LRRCC1: variants seen among roughly 807,000 people sequenced by gnomAD.
LRRCC1 encodes the protein leucine rich repeat and coiled-coil centrosomal protein 1.
LRRCC1 carries 115 observed loss-of-function variants against 126.0 expected under a neutral mutation model. The observed-to-expected ratio is 0.91, with a 90% CI of 0.78 to 1.07. The LOEUF (loss-of-function observed/expected upper bound fraction) is 1.07, where lower values mean the gene tolerates loss of function less well. Ranked by LOEUF, LRRCC1 falls within the 50% of genes least tolerant of loss-of-function variation. The pLI, the probability that LRRCC1 is intolerant of heterozygous loss-of-function variation, is 0.00. For missense variants in LRRCC1, 1,172 were observed against 1,175.7 expected (o/e 1.00, Z 0.05); for synonymous variants, 400 against 393.4 (o/e 1.02, Z -0.20).
At chr8:85,134,030 T>G (rs1456911647) in intron 12 of LRRCC1, among the ~76,000 whole-genome samples, 1 of 152,172 alleles carries the variant, frequency 6.6e-6, no homozygotes. Context: ...ATTCCTCCAA[T>G]GTATCAGGCA....
chr8:85,139,799 A>G (rs1213647549), intron 17 of LRRCC1, among the ~76,000 whole-genome samples: 2 of 152,234 alleles, frequency 1.3e-5, no homozygotes, highest in African/African-American at 4.8e-5. Context: ...GGATAGCCCA[A>G]AAATCTCACT....
intron 14 of LRRCC1, among the ~76,000 whole-genome samples, chr8:85,136,523 C>G (rs1158241202): frequency 1.3e-5 from 2 of 152,120 alleles, no homozygotes. Context: ...GATCCGCCCA[C>G]CTTGGCCTCC....
intron 18 of LRRCC1, 70 bp downstream of exon 18, chr8:85,141,587 G>C: frequency 8.4e-7 from 1 of 1,190,656 alleles, no homozygotes. Flanking sequence ...TTAGATCTTC[G>C]AGAATTATAA....
intron 17 of LRRCC1, among the ~76,000 whole-genome samples, chr8:85,138,815 T>G (rs1408787217): frequency 6.6e-6 from 1 of 152,018 alleles, no homozygotes; most frequent in Non-Finnish European, 1.5e-5. Flanking sequence ...GAGGCCGAGG[T>G]GGGTGGATCA....
intron 7 of LRRCC1, among the ~76,000 whole-genome samples, chr8:85,124,350 G>A (rs1267383067): frequency 1.3e-5 from 2 of 152,028 alleles, no homozygotes; most frequent in Admixed American, 6.5e-5. Context: ...TTCAAACACT[G>A]TACTTTTTTC....
chr8:85,119,717 C>T (rs564069697), intron 6 of LRRCC1, among the ~76,000 whole-genome samples: 5 of 152,122 alleles, frequency 3.3e-5, no homozygotes, highest in East Asian at 1.9e-4. Context: ...AGGCTGGTCT[C>T]GAACTCTTGG....
At position 85,109,713 on chromosome 8, in the gene LRRCC1, A is replaced by G; in HGVS notation, c.223A>G (p.Asn75Asp). The change falls in exon 2 of 19, where the codon AAT (asparagine) becomes GAT (aspartate). Residue 75 changes from asparagine to aspartate, a missense_variant. By Grantham distance (23) the Asn-to-Asp change is conservative (BLOSUM62 1). Transcript: ENST00000360375. Reference sequence around the variant, plus strand: ...TTTACAACATCTAGATCTGTCATCTAATCAAATAAGTAGAATTGAAGGACT... The same window carrying G: ...TTTACAACATCTAGATCTGTCATCTGATCAAATAAGTAGAATTGAAGGACT... The part of the protein sequence containing the change: ...WNLQHLDLSS[N>D]QISRIEGLNT... The G allele has an allele frequency of 1.2e-6, 2 of 1,602,978 alleles. No individual in the cohort carries two copies. The highest frequency in any genetic ancestry group is 2.2e-5 in the East Asian group (1 of 44,702).
chr8:85,125,853 T>G (rs1809953747), intron 8 of LRRCC1, among the ~76,000 whole-genome samples: 1 of 152,112 alleles, frequency 6.6e-6, no homozygotes, highest in Non-Finnish European at 1.5e-5. Context: ...TTTAGGCTAC[T>G]GGTTTCCTCC....
At chr8:85,117,679 T>G (rs1313989354) in intron 6 of LRRCC1, among the ~76,000 whole-genome samples, 1 of 152,164 alleles carries the variant, frequency 6.6e-6, no homozygotes, top group African/African-American at 2.4e-5. Context: ...CATTCTATTA[T>G]GAGCATTTTT....
In LRRCC1 at chr8:85,107,309, C is replaced by T. The variant is rs200933031; in HGVS notation, c.14C>T (p.Ala5Val). 3 of 1,611,598 alleles carry T rather than the reference C, an allele frequency of 1.9e-6. No homozygotes were observed. Among genetic ancestry groups the T allele is most frequent in the African/African-American group, 1.3e-5 (1 of 74,906 alleles). ...GTCGCCAGTGCTATGGAGGCGGCGGCGGCGGTGGTGGCGGCAGAGGCGGAA... is the reference window on the plus strand; with the variant it reads ...GTCGCCAGTGCTATGGAGGCGGCGGTGGCGGTGGTGGCGGCAGAGGCGGAA... The part of the protein sequence containing the change: MEAA[A>V]AVVAAEAEVE... The change falls in exon 1 of 19, where the codon GCG becomes GTG. Residue 5 changes from alanine (A) to valine (V), a missense_variant. Physicochemically the swap from Ala to Val is moderately conservative, Grantham distance 64. Transcript: ENST00000360375.
chr8:85,131,767 C>A lies in LRRCC1; in HGVS notation c.1774C>A (p.Leu592Ile). The change falls in exon 12 of 19, where the codon CTT becomes ATT. Residue 592 changes from leucine to isoleucine, a missense_variant. By Grantham distance (5) the Leu-to-Ile change is conservative. Coordinates refer to ENST00000360375, the MANE Select transcript of LRRCC1 (RefSeq NM_033402.5). ...ATATGTTTTTCACTCCAGGAAGGAACTTGAAACAAGGGAGTTTTTTACTGA... is the reference window on the plus strand; with the variant it reads ...ATATGTTTTTCACTCCAGGAAGGAAATTGAAACAAGGGAGTTTTTTACTGA... ...ALKEQEHRKE[L>I]ETREFFTDAD... 3 of 1,611,228 alleles carry A rather than the reference C, an allele frequency of 1.9e-6. No individual in the cohort carries two copies. The highest frequency in any genetic ancestry group is 2.2e-5 in the East Asian group (1 of 44,766).
At chr8:85,128,773 T>C (rs1810209645) in intron 9 of LRRCC1, among the ~76,000 whole-genome samples, 1 of 152,178 alleles carries the variant, frequency 6.6e-6, no homozygotes, top group South Asian at 2.1e-4. Flanking sequence ...ATCCAGTCAG[T>C]CACCAAAACT....
chr8:85,143,178 T>C (rs7814435), intron 18 of LRRCC1, among the ~76,000 whole-genome samples: 108,641 of 152,036 alleles, frequency 0.71, 39,483 homozygotes, highest in African/African-American at 0.81. Flanking sequence ...TACAATTAGC[T>C]GGGCATGGTG....
intron 9 of LRRCC1, among the ~76,000 whole-genome samples, chr8:85,127,708 G>T (rs1357852120): frequency 3.9e-5 from 6 of 152,172 alleles, no homozygotes. Context: ...CTGATAGGTT[G>T]TACCTGTGGA....
chr8:85,144,392 T>TA lies in LRRCC1; in HGVS notation c.2977-996dup, dbSNP rs1587458204. Among the ~76,000 whole-genome samples the TA allele has an allele frequency of 2.0e-5, 3 of 146,488 alleles. No homozygotes were observed. The East Asian group carries it at 6.1e-4, about 30-fold the overall frequency. ...TAAACAGATTTTCTAAGCTCTAAAA[T>TA]AGAGTTAAAATGTGTGTGTGTGTGT... On this transcript the variant is annotated intron_variant, in intron 18 of 18. Coordinates refer to ENST00000360375, the MANE Select transcript of LRRCC1 (RefSeq NM_033402.5).
Position 85,129,384 on chromosome 8 carries a change from TTC to T in LRRCC1, c.1626+9_1626+10del. 6.3e-7 allele frequency: 1 copy of T among 1,597,832 alleles called. No homozygotes were observed. The stretch of plus-strand genomic sequence containing the variant: ...AGGCAGCAGCAGGCAGCACAGGTAT[TTC>T]TCTATTTTAATATATGAGTAGCACA... On this transcript the variant is annotated splice_donor_region_variant and intron_variant, in intron 10 of 18. Transcript: ENST00000360375.
intron 9 of LRRCC1, 111 bp from the exon 10 acceptor site, chr8:85,129,064 G>C (rs770982475): frequency 5.1e-6 from 4 of 786,100 alleles, no homozygotes; most frequent in South Asian, 1.7e-5. Context: ...AACAGGAGTT[G>C]AGAGCATGAA....
chr8:85,138,626 A>G (rs1811040064), intron 17 of LRRCC1, 151 bp downstream of exon 17: 1 of 769,708 alleles, frequency 1.3e-6, no homozygotes, highest in Admixed American at 3.0e-5. Context: ...TAAAATGAAG[A>G]TAGCAGTAGC....
chr8:85,115,716 C>G lies in LRRCC1; in HGVS notation c.930+132C>G, dbSNP rs74509781. 2,266 of 644,258 alleles carry G rather than the reference C, an allele frequency of 3.5e-3. 43 individuals are homozygous for G. In the African/African-American group the frequency reaches 0.037, roughly 11 times the overall value. The allele number at this position is 644,258 out of a possible 1,614,324, so 39.9% of individuals were successfully genotyped here. ...TCAGTGTTCGTGTATTTTTGTTTTC[C>G]TCTACAGAAATAGGGTTCTATTATT... On this transcript the variant is annotated intron_variant, in intron 6 of 18. Transcript: ENST00000360375.
Sources: allele counts gnomAD v4.1 joint callset (sites outside exome capture counted in the v4.1 genomes callset), GRCh38; gene constraint gnomAD v4.1.1; transcripts MANE v1.5; gene names NCBI Gene and HGNC (gene_info 2026-07-23, HGNC 2026-07-21).